GIPR: variants seen among roughly 807,000 people sequenced by gnomAD.
GIPR encodes GIP-R.
Under a neutral mutation model 62.2 loss-of-function variants are expected in GIPR, and 74 were observed. The observed-to-expected ratio is 1.19, with a 90% CI of 0.99 to 1.44. The LOEUF (loss-of-function observed/expected upper bound fraction) is 1.44, where lower values mean the gene tolerates loss of function less well. Among genes scored for constraint, GIPR ranks in the 40% most tolerant of loss-of-function variants. The probability of loss-of-function intolerance (pLI) is 0.00; values close to 1 mark genes in which losing one functional copy is unlikely to be tolerated. For synonymous variants in GIPR, 256 were observed against 262.2 expected, an observed-to-expected ratio of 0.98 and a Z score of 0.23; for missense variants, 664 against 611.8, an observed-to-expected ratio of 1.09 and a Z score of -0.90.
At chr19:45,673,961 A>C (rs1330298834) in intron 5 of GIPR, 113 bp from the exon 6 acceptor site, 7 of 782,600 alleles carry the variant, frequency 8.9e-6, no homozygotes, top group Non-Finnish European at 1.6e-5. Context: ...GCAGTTCCCC[A>C]AGATAAAATA....
intron 3 of GIPR, 96 bp from the exon 4 acceptor site, chr19:45,671,189 G>A: frequency 1.3e-6 from 1 of 788,332 alleles, no homozygotes; most frequent in Non-Finnish European, 2.3e-6. Flanking sequence ...GAAGCACTTG[G>A]CCCACTGCGG....
chr19:45,677,542 C>A, intron 9 of GIPR, 159 bp downstream of exon 9: 1 of 839,744 alleles, frequency 1.2e-6, no homozygotes, highest in Non-Finnish European at 2.0e-6. Flanking sequence ...AGGTTGTGTT[C>A]CAGGGCAATC....
rs1275035062 is a variant in GIPR, at chr19:45,677,311, G to A, written c.794-12G>A. 1 of 1,549,814 alleles carries A rather than the reference G, an allele frequency of 6.5e-7. No individual in the cohort carries two copies. Reference sequence around the variant, plus strand: ...GCGGCGGGGTGGGGGGGCGGGGTCGGGGTCTGCACAGGGGCCCCCGCGCTT... The same window carrying A: ...GCGGCGGGGTGGGGGGGCGGGGTCGAGGTCTGCACAGGGGCCCCCGCGCTT... On this transcript the variant is annotated splice_polypyrimidine_tract_variant and intron_variant, in intron 8 of 13. Coordinates refer to ENST00000590918, the MANE Select transcript of GIPR (RefSeq NM_000164.4).
At chr19:45,671,468 C>T in intron 4 of GIPR, 76 bp downstream of exon 4, 2 of 889,386 alleles carry the variant, frequency 2.2e-6, no homozygotes, top group Admixed American at 1.7e-5. Context: ...CACCTACATC[C>T]GAGTCCCACA....
At chr19:45,671,165 G>A (rs1480207786) in intron 3 of GIPR, 120 bp from the exon 4 acceptor site, 1 of 733,506 alleles carries the variant, frequency 1.4e-6, no homozygotes, top group African/African-American at 1.9e-5. Context: ...GCCGGGCTTG[G>A]TGTGGCCGGC....
rs775596829 is a variant in GIPR at position 45,671,308 on chromosome 19, G to A, written c.196G>A (p.Asp66Asn). 8 of 1,612,466 alleles carry A rather than the reference G, an allele frequency of 5.0e-6. No homozygotes were observed. In the South Asian group the frequency reaches 7.7e-5, roughly 15 times the overall value. ...AGGCCTCGCCTGTAACGGGTCCTTCGATATGTACGTCTGCTGGGACTATGC... is the reference window on the plus strand; with the variant it reads ...AGGCCTCGCCTGTAACGGGTCCTTCAATATGTACGTCTGCTGGGACTATGC... Reference protein sequence around the residue: ...PSGLACNGSFDMYVCWDYAAP... With the variant: ...PSGLACNGSFNMYVCWDYAAP... The change falls in exon 4 of 14, where the codon GAT becomes AAT. Residue 66 changes from aspartate to asparagine, a missense_variant. Asp to Asn is a conservative substitution (Grantham distance 23, BLOSUM62 1). Coordinates refer to ENST00000590918, the MANE Select transcript of GIPR (RefSeq NM_000164.4).
chr19:45,673,954 G>C (rs1041758730), intron 5 of GIPR, 120 bp from the exon 6 acceptor site: 42 of 774,674 alleles, frequency 5.4e-5, no homozygotes, highest in Non-Finnish European at 9.0e-5. Context: ...AGGGTAAGCA[G>C]TTCCCCAAGA....
Position 45,678,153 on chromosome 19 carries a change from T to C in GIPR, c.1079T>C (p.Val360Ala), listed in dbSNP as rs1213210232. ...LGVHEVVFAP[V>A]TEEQARGALR... Reference sequence around the variant, plus strand: ...GTCCACGAGGTGGTGTTTGCTCCCGTGACAGAGGAACAGGCCCGGGGCGCC... The same window carrying C: ...GTCCACGAGGTGGTGTTTGCTCCCGCGACAGAGGAACAGGCCCGGGGCGCC... Residue 360 changes from valine (V) to alanine (A), a missense_variant, in exon 12 of 14, where the codon GTG becomes GCG. Transcript: ENST00000590918. The C allele has an allele frequency of 1.2e-6, 2 of 1,610,280 alleles. No homozygotes were observed. Among genetic ancestry groups the C allele is most frequent in the South Asian group, 2.2e-5 (2 of 90,744 alleles).
Position 45,669,580 on chromosome 19 carries a change from C to G in GIPR, c.60C>G (p.Leu20=). 1 of 1,580,190 alleles carries G rather than the reference C, an allele frequency of 6.3e-7. No homozygotes were observed. Among genetic ancestry groups the G allele is most frequent in the Non-Finnish European group, 8.6e-7 (1 of 1,166,398 alleles). Residue 20 remains leucine (L), a synonymous_variant, in exon 2 of 14, where the codon CTC becomes CTG. Coordinates refer to ENST00000590918, the MANE Select transcript of GIPR (RefSeq NM_000164.4). ...LLRLSLCGLL[L]QRAETGSKGQ... Reference sequence around the variant, plus strand: ...GGCTCTCACTGTGCGGGCTGCTGCTCCAGAGGGCGGAGGTGAGGAAGCGAG... The same window carrying G: ...GGCTCTCACTGTGCGGGCTGCTGCTGCAGAGGGCGGAGGTGAGGAAGCGAG...
In GIPR at chr19:45,678,080, C is replaced by G. The variant is rs926298423; in HGVS notation, c.1014-8C>G. On this transcript the variant is annotated splice_region_variant and splice_polypyrimidine_tract_variant and intron_variant, in intron 11 of 13. Coordinates refer to ENST00000590918, the MANE Select transcript of GIPR (RefSeq NM_000164.4). ...TGCGGGATCACTGCTGCCGCCCTCT[C>G]TCCCCAGGCTGGCTCGCTCCACGCT... The G allele has an allele frequency of 6.2e-7, 1 of 1,612,286 alleles. No homozygotes were observed. The highest frequency in any genetic ancestry group is 1.3e-5 in the African/African-American group (1 of 75,070).
intron 3 of GIPR, 101 bp downstream of exon 3, chr19:45,670,835 GC>G: frequency 4.0e-6 from 3 of 744,982 alleles, no homozygotes; most frequent in Non-Finnish European, 6.8e-6. Context: ...ATCTCGGGGC[GC>G]TGTGGGCTGG....
intron 6 of GIPR, 65 bp from the exon 7 acceptor site, chr19:45,674,617 T>C: frequency 2.1e-6 from 3 of 1,452,322 alleles, no homozygotes; most frequent in Admixed American, 1.7e-5. Context: ...AAAAAAAAAA[T>C]AGAACTCTGT....
chr19:45,674,606 A>T (rs966650825), intron 6 of GIPR, 76 bp from the exon 7 acceptor site: 29 of 921,036 alleles, frequency 3.1e-5, no homozygotes, highest in East Asian at 6.4e-5. Flanking sequence ...GACCCTGTTT[A>T]AAAAAAAAAA....
intron 2 of GIPR, 46 bp from the exon 3 acceptor site, chr19:45,670,589 G>C: frequency 1.5e-6 from 2 of 1,361,308 alleles, no homozygotes; most frequent in Non-Finnish European, 2.1e-6. Context: ...AGCAGCCTGG[G>C]AGCGGGGGTC....
Position 45,677,061 on chromosome 19 carries a change from G to A in GIPR, c.746G>A (p.Gly249Glu). Reference sequence around the variant, plus strand: ...CTGCACAGTCTCCTGGTGCTCGTGGGAGGCTCCGAGGAGGGCCACTTCCGC... The same window carrying A: ...CTGCACAGTCTCCTGGTGCTCGTGGAAGGCTCCGAGGAGGGCCACTTCCGC... ...VYLHSLLVLV[G>E]GSEEGHFRYY... Residue 249 changes from glycine (G) to glutamate (E), a missense_variant, in exon 8 of 14, where the codon GGA (glycine) becomes GAA (glutamate). By Grantham distance (98) the Gly-to-Glu change is moderately conservative (BLOSUM62 -2). Transcript: ENST00000590918. The A allele has an allele frequency of 6.2e-7, 1 of 1,614,090 alleles. No individual in the cohort carries two copies. The highest frequency in any genetic ancestry group is 8.5e-7 in the Non-Finnish European group (1 of 1,180,008).
At chr19:45,680,839 CAAAAAAAA>C (rs10561788) in intron 12 of GIPR, among the ~76,000 whole-genome samples, 195 of 111,428 alleles carry the variant, frequency 1.8e-3, no homozygotes, top group Non-Finnish European at 3.1e-3. Context: ...TCCCTGTCTC[CAAAAAAAA>C]AAAAAAAAAA....
Position 45,669,538 on chromosome 19 carries a change from C to T in GIPR, c.18C>T (p.Ile6=). 6.3e-7 allele frequency: 1 copy of T among 1,579,616 alleles called. No individual in the cohort carries two copies. The highest frequency in any genetic ancestry group is 8.6e-7 in the Non-Finnish European group (1 of 1,165,774). ...CCCTCACGATGACTACCTCTCCGATCCTGCAGCTGCTGCTGCGGCTCTCAC... is the reference window on the plus strand; with the variant it reads ...CCCTCACGATGACTACCTCTCCGATTCTGCAGCTGCTGCTGCGGCTCTCAC... MTTSP[I]LQLLLRLSLC... Residue 6 remains isoleucine (I), a synonymous_variant, in exon 2 of 14, where the codon ATC becomes ATT. Coordinates refer to ENST00000590918, the MANE Select transcript of GIPR (RefSeq NM_000164.4).
At chr19:45,677,660 C>G (rs375644633) in intron 9 of GIPR, 50 bp from the exon 10 acceptor site, 7 of 1,413,264 alleles carry the variant, frequency 5.0e-6, no homozygotes, top group Non-Finnish European at 7.0e-6. Context: ...GCTTGGTGAT[C>G]GGTGAGTCTA....
chr19:45,673,419 CAAAAAAAAAA>C (rs71175203), intron 5 of GIPR, among the ~76,000 whole-genome samples: 2 of 82,740 alleles, frequency 2.4e-5, no homozygotes, highest in Non-Finnish European at 4.9e-5. Context: ...GACTCCATCT[CAAAAAAAAAA>C]AAAAAAAAAA....
Sources: allele counts gnomAD v4.1 joint callset (sites outside exome capture counted in the v4.1 genomes callset), GRCh38; gene constraint gnomAD v4.1.1; transcripts MANE v1.5; gene names NCBI Gene and HGNC (gene_info 2026-07-23, HGNC 2026-07-21).